Variants in COL28A1 observed in about 807,000 individuals in gnomAD.
COL28A1 encodes collagen alpha-1(XXVIII) chain.
In COL28A1, 161 loss-of-function variants were observed where a neutral mutation model predicts 150.2. The observed-to-expected ratio is 1.07, with a 90% confidence interval of 0.94 to 1.22. COL28A1 has a LOEUF of 1.22. Among genes scored for constraint, COL28A1 ranks in the 50% most tolerant of loss-of-function variants. The pLI is 0.00. For synonymous variants in COL28A1, 552 were observed against 469.7 expected (o/e 1.18, Z -2.26); for missense variants, 1,617 against 1,388.3 (o/e 1.16, Z -2.62).
At chr7:7,410,548 C>T (rs1456538392) in intron 27 of COL28A1, among the ~76,000 whole-genome samples, 1 of 152,016 alleles carries the variant, frequency 6.6e-6, no homozygotes. Context: ...TATGCTATGC[C>T]GTTAAGTGGA....
intron 30 of COL28A1, among the ~76,000 whole-genome samples, chr7:7,378,796 G>A (rs934198652): frequency 2.0e-5 from 3 of 152,190 alleles, no homozygotes; most frequent in African/African-American, 4.8e-5. Context: ...ACCTCATGGA[G>A]CTGTCATGCA....
At chr7:7,530,148 A>G (rs1456601153) in intron 3 of COL28A1, among the ~76,000 whole-genome samples, 2 of 152,218 alleles carry the variant, frequency 1.3e-5, no homozygotes, top group African/African-American at 4.8e-5. Flanking sequence ...TAAGCATGCA[A>G]ACTGTGAGGT....
At chr7:7,385,068 G>C (rs1008498301) in intron 27 of COL28A1, among the ~76,000 whole-genome samples, 14 of 152,260 alleles carry the variant, frequency 9.2e-5, no homozygotes, top group African/African-American at 3.4e-4. Flanking sequence ...TGATATGCAG[G>C]ACTGCAGGCA....
At chr7:7,521,420 T>A (rs1781717250) in intron 5 of COL28A1, among the ~76,000 whole-genome samples, 1 of 152,218 alleles carries the variant, frequency 6.6e-6, no homozygotes, top group Non-Finnish European at 1.5e-5. Flanking sequence ...TTCACAGAAC[T>A]CACCCTAATC....
chr7:7,509,539 T>A (rs1260151830), intron 9 of COL28A1, among the ~76,000 whole-genome samples: 1 of 152,222 alleles, frequency 6.6e-6, no homozygotes, highest in East Asian at 1.9e-4. Flanking sequence ...ACTCTATATC[T>A]CATCAGTTCT....
At chr7:7,387,130 G>C (rs1782234278) in intron 27 of COL28A1, among the ~76,000 whole-genome samples, 1 of 151,988 alleles carries the variant, frequency 6.6e-6, no homozygotes, top group Admixed American at 6.6e-5. Flanking sequence ...ATGAATGTGG[G>C]GACCATATGA....
At chr7:7,401,919 A>AC (rs1321768399) in intron 27 of COL28A1, among the ~76,000 whole-genome samples, 1 of 151,962 alleles carries the variant, frequency 6.6e-6, no homozygotes, top group African/African-American at 2.4e-5. Flanking sequence ...CTAATTGAGA[A>AC]CCCCCAAAAT....
intron 13 of COL28A1, among the ~76,000 whole-genome samples, chr7:7,481,191 T>C (rs1789358734): frequency 6.6e-6 from 1 of 152,172 alleles, no homozygotes; most frequent in African/African-American, 2.4e-5. Flanking sequence ...ACTTCTAGAG[T>C]ACGTTAGCTA....
At chr7:7,358,987 C>A (rs1340969268) in intron 34 of COL28A1, among the ~76,000 whole-genome samples, 182 bp from the exon 35 acceptor site, 1 of 138,158 alleles carries the variant, frequency 7.2e-6, no homozygotes, top group African/African-American at 2.5e-5. Flanking sequence ...CCCTCACCAC[C>A]TGAAACTCTG....
At chr7:7,419,674 C>A (rs1784288110) in intron 26 of COL28A1, among the ~76,000 whole-genome samples, 1 of 152,172 alleles carries the variant, frequency 6.6e-6, no homozygotes, top group Non-Finnish European at 1.5e-5. Flanking sequence ...GGCTGACTTG[C>A]TCATTTCTTT....
intron 12 of COL28A1, among the ~76,000 whole-genome samples, chr7:7,490,338 G>T (rs1053820994): frequency 1.3e-5 from 2 of 152,204 alleles, no homozygotes; most frequent in African/African-American, 4.8e-5. Flanking sequence ...TGGCAAAAGG[G>T]TGGGTATTTG....
intron 27 of COL28A1, among the ~76,000 whole-genome samples, chr7:7,399,634 A>G (rs574615987): frequency 1.4e-5 from 2 of 142,442 alleles, no homozygotes; most frequent in South Asian, 2.1e-4. Flanking sequence ...GGAGTTCAAT[A>G]TGGAAAAGAA....
At chr7:7,463,338 A>G (rs1293379458) in intron 15 of COL28A1, among the ~76,000 whole-genome samples, 1 of 152,224 alleles carries the variant, frequency 6.6e-6, no homozygotes, top group African/African-American at 2.4e-5. Context: ...TATATCGAGC[A>G]CTAAATGGAA....
chr7:7,345,976 C>A, the COL28A1 span, among the ~76,000 whole-genome samples: 1 of 152,012 alleles, frequency 6.6e-6, no homozygotes, highest in African/African-American at 2.4e-5. Flanking sequence ...TCCTTGATGT[C>A]CCTTTGCAGT....
At chr7:7,459,136 G>A (rs1360006566) in intron 15 of COL28A1, among the ~76,000 whole-genome samples, 1 of 152,212 alleles carries the variant, frequency 6.6e-6, no homozygotes, top group Non-Finnish European at 1.5e-5. Flanking sequence ...ATACTTCAGA[G>A]TGATTTCTTT....
At chr7:7,383,530 C>T (rs1268662219) in intron 27 of COL28A1, among the ~76,000 whole-genome samples, 4 of 151,672 alleles carry the variant, frequency 2.6e-5, no homozygotes, top group Non-Finnish European at 5.9e-5. Context: ...TCACCTGCCT[C>T]GGCCTCCTAA....
intron 20 of COL28A1, among the ~76,000 whole-genome samples, chr7:7,441,451 C>G (rs1334621929): frequency 6.6e-6 from 1 of 151,570 alleles, no homozygotes. Flanking sequence ...AATTCCTTTA[C>G]CTTCAAAACT....
In COL28A1 at chr7:7,514,292, T is replaced by C. The variant is rs144904302; in HGVS notation, c.882+1522A>G. On this transcript the variant is annotated intron_variant, in intron 8 of 34. Transcript: ENST00000399429. ...TTCCTTTCCTCTTCATAATGGCACT[T>C]ACATTTGTAGACAAGCCAACATTTT... Among the ~76,000 whole-genome samples, 647 of 152,350 alleles carry C rather than the reference T, an allele frequency of 4.2e-3. 5 individuals carry two copies. Among genetic ancestry groups the C allele is most frequent in the South Asian group, 6.8e-3 (33 of 4,832 alleles).
At chr7:7,374,223 T>C (rs1271150200) in intron 31 of COL28A1, among the ~76,000 whole-genome samples, 4 of 152,048 alleles carry the variant, frequency 2.6e-5, no homozygotes, top group African/African-American at 9.7e-5. Context: ...TGACATTTGC[T>C]CTTTATCATC....
Sources: gnomAD v4.1 joint callset for allele counts (sites outside exome capture counted in the v4.1 genomes callset) on GRCh38, gnomAD v4.1.1 for gene constraint, MANE v1.5 for transcripts, NCBI Gene and HGNC (gene_info 2026-07-23, HGNC 2026-07-21) for gene names.